The following BLM variants were observed in gnomAD, a reference collection of about 807,000 sequenced individuals.
BLM encodes the protein BLM RecQ like helicase.
A neutral mutation model predicts 135.3 loss-of-function variants in BLM; 95 were observed. The observed-to-expected ratio is 0.70, with a 90% CI of 0.59 to 0.83. BLM has a LOEUF of 0.83. BLM is among the 40% of genes least tolerant of loss of function. The pLI, the probability that BLM is intolerant of heterozygous loss-of-function variation, is 0.00. For missense variants in BLM, 1,518 were observed against 1,663.9 expected (o/e 0.91, Z 1.53); for synonymous variants, 520 against 589.2 (o/e 0.88, Z 1.70).
intron 1 of BLM, among the ~76,000 whole-genome samples, chr15:90,743,997 T>G (rs1895436519): frequency 6.6e-6 from 1 of 152,174 alleles, no homozygotes; most frequent in Non-Finnish European, 1.5e-5. Flanking sequence ...ATAAAATAGT[T>G]AATCAAACAA....
chr15:90,784,255 C>CAAAGGT (rs947705743), intron 13 of BLM, among the ~76,000 whole-genome samples: 2 of 149,026 alleles, frequency 1.3e-5, no homozygotes, highest in Non-Finnish European at 3.0e-5. Flanking sequence ...GAAACTGAGT[C>CAAAGGT]AAAGGTATTT....
intron 9 of BLM, among the ~76,000 whole-genome samples, chr15:90,766,708 G>A (rs1166472610): frequency 2.0e-5 from 3 of 152,084 alleles, no homozygotes; most frequent in Admixed American, 6.6e-5. Flanking sequence ...AATTACAGGC[G>A]TGAGCCACCA....
chr15:90,737,582 G>A lies in BLM; in HGVS notation c.-4-9807G>A, dbSNP rs1168567592. 3.9e-5 allele frequency among the ~76,000 whole-genome samples: 6 copies of A among 152,242 alleles called. No homozygotes were observed. The East Asian group carries it at 9.6e-4, about 24-fold the overall frequency. ...ACTTTAAAGGACAGAGGAACCAATGGATTAAAGAAGAAAACAAGAGACATT... is the reference window on the plus strand; with the variant it reads ...ACTTTAAAGGACAGAGGAACCAATGAATTAAAGAAGAAAACAAGAGACATT... On this transcript the variant is annotated intron_variant, in intron 1 of 21. Coordinates refer to ENST00000355112, the MANE Select transcript of BLM (RefSeq NM_000057.4).
At chr15:90,790,381 C>T (rs1896873733) in intron 14 of BLM, 1 of 467,570 alleles carries the variant, frequency 2.1e-6, no homozygotes, top group African/African-American at 2.0e-5. Flanking sequence ...TTCTGGCTCT[C>T]TTACATGAGA....
At chr15:90,814,579 G>A (rs1897506863) in intron 21 of BLM, among the ~76,000 whole-genome samples, 1 of 151,960 alleles carries the variant, frequency 6.6e-6, no homozygotes, top group Non-Finnish European at 1.5e-5. Context: ...GCTTCCTGGG[G>A]CTGGCCAGGA....
At chr15:90,810,255 A>T (rs28385153) in intron 20 of BLM, among the ~76,000 whole-genome samples, 190 of 151,986 alleles carry the variant, frequency 1.3e-3, no homozygotes, top group African/African-American at 4.5e-3. Flanking sequence ...GGGTTTCACT[A>T]TGTTGGCCAG....
At chr15:90,788,477 T>C in intron 14 of BLM, among the ~76,000 whole-genome samples, 1 of 148,612 alleles carries the variant, frequency 6.7e-6, no homozygotes, top group South Asian at 2.1e-4. Flanking sequence ...TTTTGTTTTT[T>C]TTTTTTTTTT....
At chr15:90,734,103 A>G (rs1402012244) in intron 1 of BLM, among the ~76,000 whole-genome samples, 1 of 152,164 alleles carries the variant, frequency 6.6e-6, no homozygotes, top group Non-Finnish European at 1.5e-5. Flanking sequence ...CTATTAGCTC[A>G]TCACCAAGAT....
chr15:90,769,995 T>TGGTC (rs1197615249), intron 12 of BLM, among the ~76,000 whole-genome samples: 1 of 152,164 alleles, frequency 6.6e-6, no homozygotes, highest in African/African-American at 2.4e-5. Flanking sequence ...AAATGAAAGA[T>TGGTC]GACCCTGCTT....
chr15:90,732,656 T>A (rs1402391591), intron 1 of BLM, among the ~76,000 whole-genome samples: 2 of 145,630 alleles, frequency 1.4e-5, no homozygotes, highest in African/African-American at 5.0e-5. Context: ...ATATTATAAA[T>A]GAAGAAAGGG....
rs1555418008 is a variant in BLM at position 90,747,449 on chromosome 15, A to T, written c.57A>T (p.Arg19Ser). The change falls in exon 2 of 22, where the codon AGA becomes AGT. Residue 19 changes from arginine to serine, a missense_variant. Arg to Ser is a moderately radical substitution (Grantham distance 110). Around this residue, in one of 5 missense-constraint regions of BLM, gnomAD observed 724 missense variants for 756.9 expected, o/e 0.96. Transcript: ENST00000355112. ...AGCAACTAGAACGTCACTCAGCCAG[A>T]ACACTTAATAATAAATTAAGTCTTT... is the stretch of plus-strand genomic sequence containing the variant. ...LQEQLERHSA[R>S]TLNNKLSLSK... 1 of 1,611,092 alleles carries T rather than the reference A, an allele frequency of 6.2e-7. No individual in the cohort carries two copies. Among genetic ancestry groups the T allele is most frequent in the Non-Finnish European group, 8.5e-7 (1 of 1,178,232 alleles).
chr15:90,754,831 C>A lies in BLM; in HGVS notation c.980C>A (p.Thr327Asn), dbSNP rs748581308. ...KCLSTLKDLD[T>N]SDRKEDVLST... is the part of the protein sequence containing the mutation. ...TGCAGTACGTTAAAGGACCTTGACA[C>A]CTCTGACAGAAAAGAGGATGTTCTT... Residue 327 changes from threonine (T) to asparagine (N), a missense_variant, in exon 5 of 22, where the codon ACC (threonine) becomes AAC (asparagine). Thr to Asn is a moderately conservative substitution (Grantham distance 65). Transcript: ENST00000355112. 6.2e-7 allele frequency: 1 copy of A among 1,613,808 alleles called. No homozygotes were observed. Among genetic ancestry groups the A allele is most frequent in the East Asian group, 2.2e-5 (1 of 44,854 alleles).
At chr15:90,742,588 A>G (rs747176963) in intron 1 of BLM, among the ~76,000 whole-genome samples, 1 of 150,296 alleles carries the variant, frequency 6.7e-6, no homozygotes, top group African/African-American at 2.4e-5. Flanking sequence ...TCTCCATCCC[A>G]TGTCTCTCTC....
intron 1 of BLM, among the ~76,000 whole-genome samples, chr15:90,742,357 A>G (rs977264750): frequency 1.3e-5 from 2 of 152,180 alleles, no homozygotes; most frequent in Admixed American, 6.5e-5. Context: ...CACTTTTAGC[A>G]GAAGACTGGA....
intron 21 of BLM, among the ~76,000 whole-genome samples, chr15:90,814,012 ACAG>A (rs1897490063): frequency 6.6e-6 from 1 of 152,306 alleles, no homozygotes; most frequent in Admixed American, 6.5e-5. Context: ...ATCAACATAA[ACAG>A]CAGGTTTTCT....
Position 90,815,381 on chromosome 15 carries a change from A to G in BLM, c.*102A>G. The G allele has an allele frequency of 8.0e-7, 1 of 1,253,592 alleles. No individual in the cohort carries two copies. The highest frequency in any genetic ancestry group is 1.1e-6 in the Non-Finnish European group (1 of 870,928). 77.7% of individuals were successfully genotyped at this position (1,253,592 alleles called of 1,614,324 possible). A position where few individuals can be genotyped will look rare whatever the true frequency, so the allele number is the denominator to read the frequency against. On this transcript the variant is annotated 3_prime_UTR_variant, in exon 22 of 22. Coordinates refer to ENST00000355112, the MANE Select transcript of BLM (RefSeq NM_000057.4). The surrounding 1 kb of genome is among the most constrained non-coding windows in gnomAD (Gnocchi z 4.6). Reference sequence around the variant, plus strand: ...TCTTGTTATACCATTTGAAGTTTTTACTCGTCTCTATTAATATTTAAATAA... The same window carrying G: ...TCTTGTTATACCATTTGAAGTTTTTGCTCGTCTCTATTAATATTTAAATAA...
At chr15:90,777,473 A>G (rs1896510402) in intron 12 of BLM, among the ~76,000 whole-genome samples, 1 of 152,126 alleles carries the variant, frequency 6.6e-6, no homozygotes, top group South Asian at 2.1e-4. Flanking sequence ...ATTCACATAA[A>G]CTATTTAGTA....
chr15:90,739,937 G>C (rs1895320623), intron 1 of BLM, among the ~76,000 whole-genome samples: 1 of 151,850 alleles, frequency 6.6e-6, no homozygotes, highest in Non-Finnish European at 1.5e-5. Context: ...CTAATCTTTT[G>C]TATTTTTTGT....
intron 10 of BLM, 60 bp from the exon 11 acceptor site, chr15:90,769,073 A>T (rs1336093402): frequency 3.0e-6 from 4 of 1,349,622 alleles, no homozygotes; most frequent in Non-Finnish European, 4.3e-6. Flanking sequence ...TTTGAAGACC[A>T]CAGAATCATG....
Sources: gnomAD v4.1 joint callset for allele counts (sites outside exome capture counted in the v4.1 genomes callset) on GRCh38, gnomAD v4.1.1 for gene constraint, gnomAD v4.1.1 regional missense constraint, Gnocchi (gnomAD v3.1) non-coding constraint, MANE v1.5 for transcripts, NCBI Gene and HGNC (gene_info 2026-07-23, HGNC 2026-07-21) for gene names.